The following GRM3 variants were observed in gnomAD, a reference collection of about 807,000 sequenced individuals.
GRM3 encodes the protein metabotropic glutamate receptor 3.
In GRM3, 26 loss-of-function variants were observed where a neutral mutation model predicts 70.5. That is an observed-to-expected ratio of 0.37 (90% CI 0.27 to 0.51). The LOEUF is 0.51. Ranked by LOEUF, GRM3 falls within the 20% of genes least tolerant of loss-of-function variation. The pLI, the probability that GRM3 is intolerant of heterozygous loss-of-function variation, is 0.93. For missense variants in GRM3, 859 were observed against 1,123.8 expected (o/e 0.76, Z 3.37); for synonymous variants, 443 against 434.9 (o/e 1.02, Z -0.23).
At chr7:86,812,626 G>T (rs2116660128) in intron 3 of GRM3, among the ~76,000 whole-genome samples, 1 of 151,896 alleles carries the variant, frequency 6.6e-6, no homozygotes, top group East Asian at 1.9e-4. Context: ...TGAGCATCCA[G>T]GTTGTGAAGG....
At chr7:86,650,374 A>ATTTATTTAT (rs1323411116) in intron 1 of GRM3, among the ~76,000 whole-genome samples, 2 of 151,974 alleles carry the variant, frequency 1.3e-5, no homozygotes, top group African/African-American at 4.8e-5. Flanking sequence ...ATTTTAATTA[A>ATTTATTTAT]TTTATTTATT....
At chr7:86,787,269 G>T (rs929895255) in intron 3 of GRM3, among the ~76,000 whole-genome samples, 153 bp downstream of exon 3, 6 of 152,186 alleles carry the variant, frequency 3.9e-5, no homozygotes, top group Admixed American at 3.9e-4. Flanking sequence ...CAATAGGATG[G>T]TTCTCTAACA....
At chr7:86,723,839 A>G (rs1192775208) in intron 1 of GRM3, among the ~76,000 whole-genome samples, 1 of 152,166 alleles carries the variant, frequency 6.6e-6, no homozygotes, top group African/African-American at 2.4e-5. Flanking sequence ...TAGGAGGCAT[A>G]GATTGTACCA....
chr7:86,749,229 T>A (rs1026680650), intron 1 of GRM3, among the ~76,000 whole-genome samples: 2 of 152,044 alleles, frequency 1.3e-5, no homozygotes, highest in African/African-American at 4.8e-5. Context: ...CCTCTGGGTG[T>A]CATGTGAAAC....
chr7:86,763,539 G>T (rs1021207271), intron 1 of GRM3, among the ~76,000 whole-genome samples: 5 of 152,108 alleles, frequency 3.3e-5, no homozygotes, highest in Non-Finnish European at 7.4e-5. Context: ...TCTCTAGAAA[G>T]ATCCCAGACT....
chr7:86,783,050 C>T (rs535157709), intron 2 of GRM3, among the ~76,000 whole-genome samples: 58 of 152,200 alleles, frequency 3.8e-4, no homozygotes, highest in African/African-American at 1.3e-3. Context: ...TATGCTTTCT[C>T]AGAGAAACCA....
rs371129124 is a variant in GRM3 at position 86,787,059 on chromosome 7, A to G, written c.1267A>G (p.Lys423Glu). The change falls in exon 3 of 6, where the codon AAG becomes GAG. Residue 423 changes from lysine to glutamate, a missense_variant. Lys to Glu is a moderately conservative substitution (Grantham distance 56). Coordinates refer to ENST00000361669, the MANE Select transcript of GRM3 (RefSeq NM_000840.3). ...CACTACCAAGCTTTGTGATGCTATGAAGATCCTGGATGGGAAGAAGTTGTA... is the reference window on the plus strand; with the variant it reads ...CACTACCAAGCTTTGTGATGCTATGGAGATCCTGGATGGGAAGAAGTTGTA... Reference protein sequence around the residue: ...PNTTKLCDAMKILDGKKLYKD... With the variant: ...PNTTKLCDAMEILDGKKLYKD... 2.3e-5 allele frequency: 37 copies of G among 1,612,786 alleles called. No homozygotes were observed. Among genetic ancestry groups the G allele is most frequent in the Non-Finnish European group, 3.1e-5 (37 of 1,179,338 alleles).
intron 3 of GRM3, among the ~76,000 whole-genome samples, chr7:86,819,878 A>G (rs1798085374): frequency 6.6e-6 from 1 of 152,152 alleles, no homozygotes; most frequent in African/African-American, 2.4e-5. Flanking sequence ...GAAGTTGGAT[A>G]TGTAAGGTTG....
chr7:86,772,314 C>T (rs1054208342), intron 2 of GRM3, among the ~76,000 whole-genome samples: 11 of 152,020 alleles, frequency 7.2e-5, no homozygotes, highest in Admixed American at 1.3e-4. Context: ...GGGTCACAAC[C>T]ATCACCCACC....
At chr7:86,661,875 C>G (rs999933097) in intron 1 of GRM3, among the ~76,000 whole-genome samples, 1 of 151,758 alleles carries the variant, frequency 6.6e-6, no homozygotes, top group Non-Finnish European at 1.5e-5. Context: ...TATAATTCCT[C>G]CATAAAGCAT....
Position 86,786,067 on chromosome 7 carries a change from C to A in GRM3, c.469-194C>A, listed in dbSNP as rs992242711. 5 of 626,462 alleles carry A rather than the reference C, an allele frequency of 8.0e-6. No individual in the cohort carries two copies. Among genetic ancestry groups the A allele is most frequent in the Non-Finnish European group, 1.4e-5 (5 of 348,448 alleles). The allele number at this position is 626,462 out of a possible 1,614,324, so 38.8% of individuals were successfully genotyped here. A position where few individuals can be genotyped will look rare whatever the true frequency, so the allele number is the denominator to read the frequency against. ...TGAAGCACACACTACCTGTGTGAGA[C>A]CTGCTTCCTAGTGTCCAAAATACAG... On this transcript the variant is annotated intron_variant, in intron 2 of 5. Transcript: ENST00000361669. This position sits in a 1 kb window ranked among gnomAD's most constrained non-coding sequence, Gnocchi z 6.0.
intron 1 of GRM3, among the ~76,000 whole-genome samples, chr7:86,740,881 G>A (rs1795973544): frequency 2.0e-5 from 3 of 152,136 alleles, no homozygotes; most frequent in Admixed American, 6.6e-5. Flanking sequence ...TCCTGTGGTA[G>A]TCTATTACTT....
intron 1 of GRM3, among the ~76,000 whole-genome samples, chr7:86,752,140 G>A (rs1161525905): frequency 4.6e-5 from 7 of 152,036 alleles, no homozygotes; most frequent in Admixed American, 1.3e-4. Context: ...GCCAGCACTC[G>A]AGAAACCCTC....
intron 2 of GRM3, among the ~76,000 whole-genome samples, chr7:86,782,241 A>G (rs1411433162): frequency 6.6e-6 from 1 of 151,812 alleles, no homozygotes; most frequent in Non-Finnish European, 1.5e-5. Context: ...TTTTTCAAGA[A>G]TTATTGATAG....
At position 86,779,825 on chromosome 7, in the gene GRM3, GT is replaced by G. The variant is rs376995475; in HGVS notation, c.469-6433del. 9.9e-5 allele frequency among the ~76,000 whole-genome samples: 15 copies of G among 150,830 alleles called. No individual in the cohort carries two copies. The East Asian group carries it at 2.9e-3, about 29-fold the overall frequency. On this transcript the variant is annotated intron_variant, in intron 2 of 5. Coordinates refer to ENST00000361669, the MANE Select transcript of GRM3 (RefSeq NM_000840.3). ...AGTCAGAGATTCTCCATAAAGTTGA[GT>G]TTATTTGGAAGAAAAAAATATATTG...
chr7:86,826,573 G>C lies in GRM3; in HGVS notation c.1325-12266G>C, dbSNP rs74995799. On this transcript the variant is annotated intron_variant, in intron 3 of 5. Transcript: ENST00000361669. ...CATATTCAAGGAAGTGTATAAGCTG[G>C]AAATGACTATAGTGAGAAAACAAGA... Among the ~76,000 whole-genome samples, 1,466 of 152,216 alleles carry C rather than the reference G, an allele frequency of 9.6e-3. 27 individuals are homozygous for C. Among genetic ancestry groups the C allele is most frequent in the African/African-American group, 0.032 (1,314 of 41,536 alleles).
At chr7:86,808,218 G>A (rs1248846944) in intron 3 of GRM3, among the ~76,000 whole-genome samples, 1 of 151,880 alleles carries the variant, frequency 6.6e-6, no homozygotes, top group Non-Finnish European at 1.5e-5. Flanking sequence ...TTTTTTTGCT[G>A]TGTCTCTGCC....
chr7:86,766,292 A>AT (rs367888710), intron 2 of GRM3, among the ~76,000 whole-genome samples: 1 of 152,126 alleles, frequency 6.6e-6, no homozygotes. Flanking sequence ...TTACTAAAGC[A>AT]TTTTTTTGTT....
chr7:86,677,796 T>A (rs969130733), intron 1 of GRM3, among the ~76,000 whole-genome samples: 1 of 151,742 alleles, frequency 6.6e-6, no homozygotes, highest in African/African-American at 2.4e-5. Flanking sequence ...CCGCAAAGAA[T>A]GGGAAACTAA....
Sources: allele counts gnomAD v4.1 joint callset (sites outside exome capture counted in the v4.1 genomes callset), GRCh38; gene constraint gnomAD v4.1.1; non-coding constraint Gnocchi (gnomAD v3.1); transcripts MANE v1.5; gene names NCBI Gene and HGNC (gene_info 2026-07-23, HGNC 2026-07-21).